CYSRT1: variants seen among roughly 807,000 people sequenced by gnomAD.
The protein encoded by CYSRT1 is cysteine-rich tail protein 1.
A neutral mutation model predicts 6.2 loss-of-function variants in CYSRT1; 7 were observed. That is an observed-to-expected ratio of 1.13 (90% confidence interval 0.64 to 2.13). The LOEUF is 2.13. Among genes scored for constraint, CYSRT1 ranks in the 30% most tolerant of loss-of-function variants. The pLI, the probability that CYSRT1 is intolerant of heterozygous loss-of-function variation, is 0.00. For missense variants in CYSRT1, 188 were observed against 196.4 expected (o/e 0.96, Z 0.26); for synonymous variants, 75 against 83.1 (o/e 0.90, Z 0.53).
chr9:137,225,197 A>C lies in CYSRT1; in HGVS notation c.-45A>C. 6.4e-7 allele frequency: 1 copy of C among 1,550,424 alleles called. No individual in the cohort carries two copies. Among genetic ancestry groups the C allele is most frequent in the Non-Finnish European group, 8.7e-7 (1 of 1,146,940 alleles). ...TCAGGCACTGGGACCTAGAGCTCAG[A>C]AGACCGAGAGGACAGACTGCCGTGT... On this transcript the variant is annotated 5_prime_UTR_variant, in exon 1 of 2. Transcript: ENST00000650725.
chr9:137,225,762 G>T lies in CYSRT1; in HGVS notation c.141G>T (p.Val47=). Residue 47 remains valine, a synonymous_variant, in exon 2 of 2, where the codon GTG becomes GTT. Coordinates refer to ENST00000650725, the MANE Select transcript of CYSRT1 (RefSeq NM_199001.5). ...SSSSEMQPLP[V]GPCAPEPTHL... ...CCTCGGAGATGCAGCCCCTGCCAGT[G>T]GGGCCCTGTGCCCCAGAGCCAACCC... The T allele has an allele frequency of 6.5e-7, 1 of 1,550,050 alleles. No homozygotes were observed. Among genetic ancestry groups the T allele is most frequent in the Non-Finnish European group, 8.7e-7 (1 of 1,146,872 alleles).
chr9:137,225,887 A>T lies in CYSRT1; in HGVS notation c.266A>T (p.Asn89Ile). 6.5e-7 allele frequency: 1 copy of T among 1,545,584 alleles called. No homozygotes were observed. The highest frequency in any genetic ancestry group is 8.7e-7 in the Non-Finnish European group (1 of 1,146,770). Residue 89 changes from asparagine to isoleucine, a missense_variant, in exon 2 of 2, where the codon AAC becomes ATC. By Grantham distance (149) the Asn-to-Ile change is moderately radical. Transcript: ENST00000650725. ...QNQQAWQQPG[N>I]PYSSSQRQAG... ...CAGCAGGCCTGGCAGCAGCCTGGCA[A>T]CCCCTACAGCAGCAGTCAGCGCCAG...
At position 137,225,917 on chromosome 9, in the gene CYSRT1, G is replaced by A. The variant is rs1223812245; in HGVS notation, c.296G>A (p.Gly99Glu). Residue 99 changes from glycine (G) to glutamate (E), a missense_variant, in exon 2 of 2, where the codon GGA becomes GAA. By Grantham distance (98) the Gly-to-Glu change is moderately conservative. Transcript: ENST00000650725. Reference protein sequence around the residue: ...NPYSSSQRQAGLTYAGPPPAG... With the variant: ...NPYSSSQRQAELTYAGPPPAG... ...TACAGCAGCAGTCAGCGCCAGGCCG[G>A]ACTGACCTACGCTGGCCCTCCGCCC... 10 of 1,546,422 alleles carry A rather than the reference G, an allele frequency of 6.5e-6. No homozygotes were observed. The highest frequency in any genetic ancestry group is 1.4e-5 in the African/African-American group (1 of 73,164).
rs781473606 is a variant in CYSRT1, at chr9:137,226,081, G to T, written c.*25G>T. 58 of 1,537,284 alleles carry T rather than the reference G, an allele frequency of 3.8e-5. No individual in the cohort carries two copies. The South Asian group carries it at 6.7e-4, about 18-fold the overall frequency. Reference sequence around the variant, plus strand: ...GCCCAGCCCACCCTGCCAGGGCCAGGACCCAGACTTCAGCAAATGTGGCTC... The same window carrying T: ...GCCCAGCCCACCCTGCCAGGGCCAGTACCCAGACTTCAGCAAATGTGGCTC... On this transcript the variant is annotated 3_prime_UTR_variant, in exon 2 of 2. Coordinates refer to ENST00000650725, the MANE Select transcript of CYSRT1 (RefSeq NM_199001.5).
chr9:137,225,518 C>T (rs1017258456), intron 1 of CYSRT1, 96 bp from the exon 2 acceptor site: 20 of 1,457,350 alleles, frequency 1.4e-5, no homozygotes, highest in Non-Finnish European at 1.7e-5. Flanking sequence ...GGACGAGGCA[C>T]GCTGCTCCTG....
rs753794275 is a variant in CYSRT1 at position 137,225,995 on chromosome 9, A to C, written c.374A>C (p.His125Pro). 3.0e-5 allele frequency: 46 copies of C among 1,548,448 alleles called. No individual in the cohort carries two copies. Among genetic ancestry groups the C allele is most frequent in the Middle Eastern group, 1.9e-4 (1 of 5,330 alleles). The change falls in exon 2 of 2, where the codon CAC (histidine) becomes CCC (proline). Residue 125 changes from histidine to proline, a missense_variant. Physicochemically the swap from His to Pro is moderately conservative, Grantham distance 77 (BLOSUM62 -2). Transcript: ENST00000650725. The part of the protein sequence containing the change: ...AHHCCCCPCC[H>P]CCHCPPFCRC... The stretch of plus-strand genomic sequence containing the variant: ...CACTGCTGCTGCTGCCCCTGCTGCC[A>C]CTGCTGCCACTGCCCCCCCTTCTGC...
At chr9:137,225,509 G>A (rs886758898) in intron 1 of CYSRT1, 105 bp from the exon 2 acceptor site, 26 of 1,453,248 alleles carry the variant, frequency 1.8e-5, no homozygotes, top group Middle Eastern at 3.8e-4. Context: ...GCTGAGCTTG[G>A]ACGAGGCACG....
chr9:137,226,128 G>A lies in CYSRT1; in HGVS notation c.*72G>A, dbSNP rs1835970684. 1 of 1,502,170 alleles carries A rather than the reference G, an allele frequency of 6.7e-7. No homozygotes were observed. 93.1% of individuals were successfully genotyped at this position (1,502,170 alleles called of 1,614,324 possible). On this transcript the variant is annotated 3_prime_UTR_variant, in exon 2 of 2. Coordinates refer to ENST00000650725, the MANE Select transcript of CYSRT1 (RefSeq NM_199001.5). ...GCTCACACAGTGCCGGGACATGCCG[G>A]GACATGCGGGGTGGCTGTTGTCATG...
chr9:137,225,538 T>C (rs1835951063), intron 1 of CYSRT1, 76 bp from the exon 2 acceptor site: 3 of 1,469,110 alleles, frequency 2.0e-6, no homozygotes. Context: ...GGTGGGGGCT[T>C]TCCTGGGCCG....
At position 137,225,653 on chromosome 9, in the gene CYSRT1, C is replaced by T. The variant is rs1404297554; in HGVS notation, c.32C>T (p.Pro11Leu). ...CCCCAAGAGATGGTCGTCAAGAACC[C>T]ATATGCCCACATCAGCATCCCCCGG... MDPQEMVVKN[P>L]YAHISIPRAH... Residue 11 changes from proline (P) to leucine (L), a missense_variant, in exon 2 of 2, where the codon CCA (proline) becomes CTA (leucine). Transcript: ENST00000650725. 11 of 1,550,472 alleles carry T rather than the reference C, an allele frequency of 7.1e-6. No individual in the cohort carries two copies. Among genetic ancestry groups the T allele is most frequent in the South Asian group, 1.2e-5 (1 of 84,070 alleles).
rs1835969248 is a variant in CYSRT1, at chr9:137,226,088, A to G, written c.*32A>G. 6.5e-7 allele frequency: 1 copy of G among 1,535,012 alleles called. No homozygotes were observed. Among genetic ancestry groups the G allele is most frequent in the Admixed American group, 2.0e-5 (1 of 50,420 alleles). ...CCACCCTGCCAGGGCCAGGACCCAG[A>G]CTTCAGCAAATGTGGCTCACACAGT... On this transcript the variant is annotated 3_prime_UTR_variant, in exon 2 of 2. Coordinates refer to ENST00000650725, the MANE Select transcript of CYSRT1 (RefSeq NM_199001.5).
At chr9:137,225,593 C>T (rs955187668) in intron 1 of CYSRT1, 21 bp from the exon 2 acceptor site, 27 of 1,539,574 alleles carry the variant, frequency 1.8e-5, no homozygotes, top group Non-Finnish European at 2.3e-5. Flanking sequence ...TCATGTCTGT[C>T]TTCTCTGCCC....
At chr9:137,225,307 C>A in intron 1 of CYSRT1, 74 bp downstream of exon 1, 1 of 1,304,958 alleles carries the variant, frequency 7.7e-7, no homozygotes, top group Non-Finnish European at 1.1e-6. Flanking sequence ...TCCCATCTCT[C>A]AGCCTCCCCG....
chr9:137,225,957 T>A lies in CYSRT1; in HGVS notation c.336T>A (p.Asp112Glu). Residue 112 changes from aspartate to glutamate, a missense_variant, in exon 2 of 2, where the codon GAT becomes GAA. Transcript: ENST00000650725. ...YAGPPPAGRG[D>E]DIAHHCCCCP... ...GCCCTCCGCCCGCGGGGCGCGGGGA[T>A]GACATCGCCCACCACTGCTGCTGCT... The A allele has an allele frequency of 6.5e-7, 1 of 1,548,668 alleles. No individual in the cohort carries two copies. Among genetic ancestry groups the A allele is most frequent in the Non-Finnish European group, 8.7e-7 (1 of 1,146,572 alleles).
chr9:137,226,123 T>A lies in CYSRT1; in HGVS notation c.*67T>A. 2 of 1,507,000 alleles carry A rather than the reference T, an allele frequency of 1.3e-6. No individual in the cohort carries two copies. Among genetic ancestry groups the A allele is most frequent in the Non-Finnish European group, 1.8e-6 (2 of 1,118,358 alleles). The allele number at this position is 1,507,000 out of a possible 1,614,324, so 93.4% of individuals were successfully genotyped here. ...ATGTGGCTCACACAGTGCCGGGACATGCCGGGACATGCGGGGTGGCTGTTG... is the reference window on the plus strand; with the variant it reads ...ATGTGGCTCACACAGTGCCGGGACAAGCCGGGACATGCGGGGTGGCTGTTG... On this transcript the variant is annotated 3_prime_UTR_variant, in exon 2 of 2. Transcript: ENST00000650725.
rs1365260216 is a variant in CYSRT1 at position 137,226,123 on chromosome 9, T to C, written c.*67T>C. 4.6e-6 allele frequency: 7 copies of C among 1,507,000 alleles called. No individual in the cohort carries two copies. The Admixed American group carries it at 1.4e-4, about 31-fold the overall frequency. The allele number at this position is 1,507,000 out of a possible 1,614,324, so 93.4% of individuals were successfully genotyped here. A position where few individuals can be genotyped will look rare whatever the true frequency, so the allele number is the denominator to read the frequency against. Reference sequence around the variant, plus strand: ...ATGTGGCTCACACAGTGCCGGGACATGCCGGGACATGCGGGGTGGCTGTTG... The same window carrying C: ...ATGTGGCTCACACAGTGCCGGGACACGCCGGGACATGCGGGGTGGCTGTTG... On this transcript the variant is annotated 3_prime_UTR_variant, in exon 2 of 2. Transcript: ENST00000650725.
intron 1 of CYSRT1, 66 bp from the exon 2 acceptor site, chr9:137,225,548 G>A (rs577171158): frequency 7.2e-5 from 106 of 1,474,340 alleles, no homozygotes; most frequent in Middle Eastern, 3.5e-4. Flanking sequence ...TTCCTGGGCC[G>A]CAGGCTCGTG....
chr9:137,226,149 T>A lies in CYSRT1; in HGVS notation c.*93T>A. 3 of 1,486,420 alleles carry A rather than the reference T, an allele frequency of 2.0e-6. No homozygotes were observed. The highest frequency in any genetic ancestry group is 2.7e-6 in the Non-Finnish European group (3 of 1,107,922). 92.1% of individuals were successfully genotyped at this position (1,486,420 alleles called of 1,614,324 possible). ...GCCGGGACATGCGGGGTGGCTGTTG[T>A]CATGGGCGTCTGCCCCTTCACACCA... On this transcript the variant is annotated 3_prime_UTR_variant, in exon 2 of 2. Coordinates refer to ENST00000650725, the MANE Select transcript of CYSRT1 (RefSeq NM_199001.5).
chr9:137,225,821 A>G lies in CYSRT1; in HGVS notation c.200A>G (p.Lys67Arg). ...LLQPTEVPGP[K>R]GAKGNQGAAP... is the part of the protein sequence containing the mutation. ...CAGCCGACCGAGGTCCCAGGGCCCAAGGGCGCCAAGGGTAACCAGGGGGCT... is the reference window on the plus strand; with the variant it reads ...CAGCCGACCGAGGTCCCAGGGCCCAGGGGCGCCAAGGGTAACCAGGGGGCT... The change falls in exon 2 of 2, where the codon AAG (lysine) becomes AGG (arginine). Residue 67 changes from lysine to arginine, a missense_variant. By Grantham distance (26) the Lys-to-Arg change is conservative. Coordinates refer to ENST00000650725, the MANE Select transcript of CYSRT1 (RefSeq NM_199001.5). The G allele has an allele frequency of 6.5e-7, 1 of 1,548,668 alleles. No individual in the cohort carries two copies. Among genetic ancestry groups the G allele is most frequent in the Non-Finnish European group, 8.7e-7 (1 of 1,146,848 alleles).
Sources: allele counts gnomAD v4.1 joint callset, GRCh38; gene constraint gnomAD v4.1.1; transcripts MANE v1.5; gene names NCBI Gene and HGNC (gene_info 2026-07-23, HGNC 2026-07-21).